The following FRMD4A variants were observed in gnomAD, a reference collection of about 807,000 sequenced individuals.
FRMD4A encodes FERM domain-containing protein 4A.
FRMD4A carries 29 observed loss-of-function variants against 129.1 expected under a neutral mutation model. That is an observed-to-expected ratio of 0.22 (90% CI 0.17 to 0.31). The LOEUF (loss-of-function observed/expected upper bound fraction) is 0.31, where lower values mean the gene tolerates loss of function less well. Ranked by LOEUF, FRMD4A falls within the 10% of genes least tolerant of loss-of-function variation. The pLI is 1.00. For synonymous variants in FRMD4A, 634 were observed against 571.6 expected, an observed-to-expected ratio of 1.11 and a Z score of -1.56; for missense variants, 1,272 against 1,375.8, an observed-to-expected ratio of 0.92 and a Z score of 1.19.
intron 2 of FRMD4A, among the ~76,000 whole-genome samples, chr10:14,230,684 G>A (rs1481419363): frequency 6.6e-6 from 1 of 152,082 alleles, no homozygotes; most frequent in Non-Finnish European, 1.5e-5. Context: ...CTTACACGGG[G>A]AATTTGCATG....
intron 6 of FRMD4A, among the ~76,000 whole-genome samples, chr10:13,781,474 T>C (rs1030998010): frequency 6.8e-6 from 1 of 146,040 alleles, no homozygotes; most frequent in African/African-American, 2.5e-5. Context: ...ACCTCCCAGG[T>C]TCAAGAGATT....
chr10:13,951,763 G>A (rs951393426), intron 2 of FRMD4A, among the ~76,000 whole-genome samples: 10 of 151,910 alleles, frequency 6.6e-5, no homozygotes, highest in Admixed American at 6.6e-4. Context: ...GGTGGCGGGC[G>A]CCTGGAATCC....
chr10:13,737,694 G>T lies in FRMD4A; in HGVS notation c.759+150C>A, dbSNP rs371409608. On this transcript the variant is annotated intron_variant, in intron 12 of 24. Coordinates refer to ENST00000357447, the MANE Select transcript of FRMD4A (RefSeq NM_018027.5). ...ATATTTACCCAGGGAACTCAGATGG[G>T]ATTGCTGTGGAGTAATTTGTATACA... 1.4e-4 allele frequency: 80 copies of T among 581,516 alleles called. 1 individual carries two copies. The African/African-American group carries it at 1.4e-3, about 10-fold the overall frequency. The allele number at this position is 581,516 out of a possible 1,614,324, so 36.0% of individuals were successfully genotyped here. A position where few individuals can be genotyped will look rare whatever the true frequency, so the allele number is the denominator to read the frequency against.
intron 2 of FRMD4A, among the ~76,000 whole-genome samples, chr10:14,201,118 G>A (rs1342040264): frequency 6.6e-6 from 1 of 152,170 alleles, no homozygotes; most frequent in East Asian, 1.9e-4. Flanking sequence ...TCTCAGGTCA[G>A]AGATACCAGC....
At chr10:14,134,120 T>A (rs1305256360) in intron 2 of FRMD4A, among the ~76,000 whole-genome samples, 1 of 152,168 alleles carries the variant, frequency 6.6e-6, no homozygotes, top group Non-Finnish European at 1.5e-5. Context: ...AATAGTCTTG[T>A]GGACTGACTT....
chr10:13,655,667 A>G (rs1372400603), intron 22 of FRMD4A: 2 of 152,172 alleles, frequency 1.3e-5, no homozygotes, highest in Non-Finnish European at 2.9e-5. Flanking sequence ...CAGTTCCCCA[A>G]AGATGAACCC....
At chr10:14,273,023 CT>C (rs1845216162) in intron 2 of FRMD4A, among the ~76,000 whole-genome samples, 1 of 151,858 alleles carries the variant, frequency 6.6e-6, no homozygotes, top group South Asian at 2.1e-4. Context: ...CAAGACCAGC[CT>C]GAGCAACATG....
intron 13 of FRMD4A, among the ~76,000 whole-genome samples, chr10:13,704,097 C>T (rs1010267997): frequency 4.6e-5 from 7 of 152,192 alleles, no homozygotes; most frequent in Non-Finnish European, 7.4e-5. Flanking sequence ...ATGCATGTAA[C>T]GCACTCACAC....
At chr10:13,911,173 T>G (rs1029615542) in intron 2 of FRMD4A, among the ~76,000 whole-genome samples, 2 of 152,044 alleles carry the variant, frequency 1.3e-5, no homozygotes, top group Non-Finnish European at 2.9e-5. Context: ...TCATGAAGAG[T>G]GGCTCACAAA....
intron 2 of FRMD4A, among the ~76,000 whole-genome samples, chr10:13,910,243 C>T (rs910885177): frequency 6.6e-6 from 1 of 152,218 alleles, no homozygotes; most frequent in Admixed American, 6.5e-5. Context: ...TCAATTTGAT[C>T]TCTTGGAAGA....
At chr10:14,000,770 A>C (rs937099894) in intron 2 of FRMD4A, among the ~76,000 whole-genome samples, 2 of 151,818 alleles carry the variant, frequency 1.3e-5, no homozygotes, top group African/African-American at 4.8e-5. Flanking sequence ...GACTTTGTCC[A>C]TGCACCAGTC....
At chr10:14,174,770 A>G (rs1243377332) in intron 2 of FRMD4A, among the ~76,000 whole-genome samples, 1 of 152,080 alleles carries the variant, frequency 6.6e-6, no homozygotes, top group African/African-American at 2.4e-5. Flanking sequence ...GTTTGGCCAG[A>G]TGTTTAGAGG....
Position 14,184,161 on chromosome 10 carries a change from A to T in FRMD4A, c.45+145897T>A, listed in dbSNP as rs546524930. ...TTTTTTTTTTTTTTGAGAGAGTCTC[A>T]CTCTCTGTTGCCCAGGCTGGAGCGC... On this transcript the variant is annotated intron_variant, in intron 2 of 24. Coordinates refer to ENST00000357447, the MANE Select transcript of FRMD4A (RefSeq NM_018027.5). 4.4e-3 allele frequency among the ~76,000 whole-genome samples: 499 copies of T among 113,644 alleles called. 2 individuals are homozygous for T. Among genetic ancestry groups the T allele is most frequent in the African/African-American group, 0.016 (460 of 28,520 alleles). 74.6% of individuals were successfully genotyped at this position (113,644 alleles called of 152,430 possible). A position where few individuals can be genotyped will look rare whatever the true frequency, so the allele number is the denominator to read the frequency against.
chr10:14,047,091 G>A (rs1048302595), intron 2 of FRMD4A, among the ~76,000 whole-genome samples: 3 of 152,198 alleles, frequency 2.0e-5, no homozygotes, highest in Non-Finnish European at 2.9e-5. Context: ...GAGGCATGGG[G>A]ACAATTTTGA....
chr10:14,153,130 A>C (rs1332002823), intron 2 of FRMD4A, among the ~76,000 whole-genome samples: 1 of 152,226 alleles, frequency 6.6e-6, no homozygotes, highest in Non-Finnish European at 1.5e-5. Context: ...TGCAGTGCAG[A>C]GGGCTTTTCC....
intron 2 of FRMD4A, among the ~76,000 whole-genome samples, chr10:13,988,272 C>T (rs970064354): frequency 1.3e-5 from 2 of 152,210 alleles, no homozygotes; most frequent in Non-Finnish European, 2.9e-5. Flanking sequence ...GTCTGTAGGA[C>T]TTCGCAATTT....
intron 3 of FRMD4A, among the ~76,000 whole-genome samples, chr10:13,853,850 A>AC (rs1350317129): frequency 6.6e-6 from 1 of 151,480 alleles, no homozygotes; most frequent in African/African-American, 2.4e-5. Flanking sequence ...AAAAAAAAAA[A>AC]AAACCCAAAA....
intron 15 of FRMD4A, chr10:13,693,414 T>G: frequency 3.1e-6 from 2 of 638,182 alleles, no homozygotes; most frequent in Non-Finnish European, 4.2e-6. Flanking sequence ...AGGCACTGAA[T>G]GGAGAAATCA....
intron 22 of FRMD4A, chr10:13,655,218 A>C (rs2082038264): frequency 6.6e-6 from 1 of 152,224 alleles, no homozygotes; most frequent in South Asian, 2.1e-4. Context: ...AGTAAACCTC[A>C]GATACAGCTT....
Sources: allele counts gnomAD v4.1 joint callset (sites outside exome capture counted in the v4.1 genomes callset), GRCh38; gene constraint gnomAD v4.1.1; transcripts MANE v1.5; gene names NCBI Gene and HGNC (gene_info 2026-07-23, HGNC 2026-07-21).